Variants in ADAM23 observed in about 807,000 individuals in gnomAD.
ADAM23 encodes ADAM metallopeptidase domain 23.
A neutral mutation model predicts 120.1 loss-of-function variants in ADAM23; 33 were observed. The observed-to-expected ratio is 0.27, with a 90% CI of 0.21 to 0.37. The LOEUF (loss-of-function observed/expected upper bound fraction) is 0.37, where lower values mean the gene tolerates loss of function less well. Among genes scored for constraint, ADAM23 ranks in the 10% least tolerant of loss-of-function variants. The pLI, the probability that ADAM23 is intolerant of heterozygous loss-of-function variation, is 1.00. For synonymous variants in ADAM23, 367 were observed against 375.2 expected (o/e 0.98, Z 0.25); for missense variants, 862 against 1,058.2 (o/e 0.81, Z 2.57).
intron 3 of ADAM23, among the ~76,000 whole-genome samples, chr2:206,493,412 A>G (rs951420195): frequency 8.5e-5 from 13 of 152,128 alleles, no homozygotes; most frequent in African/African-American, 3.1e-4. Context: ...CGCTCTTGTC[A>G]CCCAGGCTGG....
chr2:206,550,802 C>T (rs950385516), intron 9 of ADAM23, among the ~76,000 whole-genome samples: 3 of 152,114 alleles, frequency 2.0e-5, no homozygotes, highest in Non-Finnish European at 4.4e-5. Flanking sequence ...GGGGTTTCAC[C>T]GCCTTAGCGA....
chr2:206,449,697 G>A (rs1695152270), intron 2 of ADAM23, among the ~76,000 whole-genome samples: 1 of 152,234 alleles, frequency 6.6e-6, no homozygotes. Flanking sequence ...TTGATCCCGG[G>A]AGGCGGAGGT....
chr2:206,512,763 T>C (rs371867074), intron 3 of ADAM23, among the ~76,000 whole-genome samples: 1 of 152,220 alleles, frequency 6.6e-6, no homozygotes, highest in African/African-American at 2.4e-5. Context: ...GCAGATATTG[T>C]GCTTCTAACA....
At chr2:206,547,277 T>C (rs1368545896) in intron 6 of ADAM23, 152 bp from the exon 7 acceptor site, 7 of 524,478 alleles carry the variant, frequency 1.3e-5, no homozygotes, top group Non-Finnish European at 2.3e-5. Flanking sequence ...AATTAAGATT[T>C]CAATAAGACA....
intron 18 of ADAM23, among the ~76,000 whole-genome samples, chr2:206,581,403 G>GA (rs1216543651): frequency 2.6e-5 from 4 of 152,160 alleles, no homozygotes; most frequent in Non-Finnish European, 5.9e-5. Context: ...CTGTATCCCA[G>GA]AGGTTTTGAT....
intron 3 of ADAM23, among the ~76,000 whole-genome samples, chr2:206,490,139 T>C (rs962099806): frequency 6.6e-6 from 1 of 152,168 alleles, no homozygotes; most frequent in Non-Finnish European, 1.5e-5. Flanking sequence ...CAGACACTAG[T>C]GTGTTGGAGG....
intron 2 of ADAM23, among the ~76,000 whole-genome samples, chr2:206,463,627 A>G (rs1695474948): frequency 6.6e-6 from 1 of 152,204 alleles, no homozygotes; most frequent in Non-Finnish European, 1.5e-5. Context: ...TGTGGGGCCG[A>G]AAAGGAAGGT....
At chr2:206,601,194 T>C (rs1040625968) in intron 24 of ADAM23, among the ~76,000 whole-genome samples, 5 of 152,194 alleles carry the variant, frequency 3.3e-5, no homozygotes, top group African/African-American at 4.8e-5. Flanking sequence ...ATCACCATTG[T>C]AAGAAGGAAG....
At chr2:206,574,067 A>G (rs957927227) in intron 18 of ADAM23, among the ~76,000 whole-genome samples, 2 of 152,188 alleles carry the variant, frequency 1.3e-5, no homozygotes, top group Non-Finnish European at 2.9e-5. Flanking sequence ...ATAAACTGGC[A>G]TGATTTCTTG....
At chr2:206,538,944 G>T (rs1026344455) in intron 4 of ADAM23, among the ~76,000 whole-genome samples, 2 of 152,132 alleles carry the variant, frequency 1.3e-5, no homozygotes, top group Non-Finnish European at 2.9e-5. Flanking sequence ...TAATACCAGA[G>T]AACTGGATCT....
chr2:206,489,374 A>G (rs1696082569), intron 3 of ADAM23, among the ~76,000 whole-genome samples: 1 of 152,184 alleles, frequency 6.6e-6, no homozygotes, highest in Admixed American at 6.5e-5. Flanking sequence ...GGCCTTAGGA[A>G]TTTGGAGTCA....
intron 2 of ADAM23, among the ~76,000 whole-genome samples, chr2:206,477,349 G>C (rs538097180): frequency 2.0e-5 from 3 of 152,236 alleles, no homozygotes; most frequent in South Asian, 4.1e-4. Flanking sequence ...TCTTTTCAGA[G>C]CTCCTGTAAT....
chr2:206,553,445 G>A (rs2105816294), intron 9 of ADAM23, among the ~76,000 whole-genome samples: 1 of 152,068 alleles, frequency 6.6e-6, no homozygotes, highest in South Asian at 2.1e-4. Flanking sequence ...CAAAAAAGAG[G>A]AAAGCTTTTA....
At chr2:206,501,463 A>G (rs1396809164) in intron 3 of ADAM23, among the ~76,000 whole-genome samples, 2 of 152,134 alleles carry the variant, frequency 1.3e-5, no homozygotes, top group Non-Finnish European at 2.9e-5. Context: ...CCTCCTGGAA[A>G]TTGGTTCCTG....
At chr2:206,560,554 G>C (rs1479963326) in intron 11 of ADAM23, among the ~76,000 whole-genome samples, 5 of 152,112 alleles carry the variant, frequency 3.3e-5, no homozygotes, top group African/African-American at 1.2e-4. Flanking sequence ...CTACAAGAGA[G>C]GCTAGCAAAA....
rs1388644616 is a variant in ADAM23 at position 206,596,045 on chromosome 2, T to C, written c.2248-6T>C. The C allele has an allele frequency of 6.2e-7, 1 of 1,608,470 alleles. No individual in the cohort carries two copies. The highest frequency in any genetic ancestry group is 8.5e-7 in the Non-Finnish European group (1 of 1,175,414). The stretch of plus-strand genomic sequence containing the variant: ...AAATGCCATATCTGTTCCTTTTTCT[T>C]CACAGGTGTGTAGTAATGAAGCCAC... On this transcript the variant is annotated splice_region_variant and splice_polypyrimidine_tract_variant and intron_variant, in intron 23 of 25. Transcript: ENST00000264377.
chr2:206,571,696 T>C (rs1381833270), intron 16 of ADAM23, 31 bp from the exon 17 acceptor site: 50 of 1,559,682 alleles, frequency 3.2e-5, no homozygotes, highest in Non-Finnish European at 4.3e-5. Flanking sequence ...GGTAAGGCTC[T>C]TCGCTTACTC....
At chr2:206,470,025 T>A (rs952337220) in intron 2 of ADAM23, among the ~76,000 whole-genome samples, 1 of 152,148 alleles carries the variant, frequency 6.6e-6, no homozygotes, top group Non-Finnish European at 1.5e-5. Context: ...CCTATATCAC[T>A]CATCACTATC....
chr2:206,553,600 C>T (rs1357355474), intron 9 of ADAM23, among the ~76,000 whole-genome samples: 2 of 151,948 alleles, frequency 1.3e-5, no homozygotes, highest in Non-Finnish European at 2.9e-5. Context: ...GTCCCAAATA[C>T]GTATGACATT....
Sources: allele counts gnomAD v4.1 joint callset (sites outside exome capture counted in the v4.1 genomes callset), GRCh38; gene constraint gnomAD v4.1.1; transcripts MANE v1.5; gene names NCBI Gene and HGNC (gene_info 2026-07-23, HGNC 2026-07-21).